The following TNRC6A variants were observed in gnomAD, a reference collection of about 807,000 sequenced individuals.
TNRC6A encodes the protein trinucleotide repeat containing adaptor 6A.
TNRC6A carries 44 observed loss-of-function variants against 221.2 expected under a neutral mutation model. The observed-to-expected ratio is 0.20, with a 90% CI of 0.16 to 0.26. TNRC6A has a LOEUF of 0.26. Among genes scored for constraint, TNRC6A ranks in the 10% least tolerant of loss-of-function variants. TNRC6A has a pLI of 1.00. For synonymous variants in TNRC6A, 847 were observed against 838.5 expected (o/e 1.01, Z -0.18); for missense variants, 2,199 against 2,404.4 (o/e 0.91, Z 1.79).
intron 2 of TNRC6A, among the ~76,000 whole-genome samples, chr16:24,691,943 A>G (rs2055763803): frequency 6.6e-6 from 1 of 152,164 alleles, no homozygotes; most frequent in Non-Finnish European, 1.5e-5. Context: ...CCTTTTTTCA[A>G]AGGAGGATAT....
upstream of TNRC6A, among the ~76,000 whole-genome samples, chr16:24,726,014 C>T (rs1016096940): frequency 3.5e-5 from 5 of 144,358 alleles, no homozygotes; most frequent in African/African-American, 1.0e-4. Flanking sequence ...AAAAAAAAAA[C>T]AAATCTGTCT....
At chr16:24,692,259 G>A (rs1439818260) in intron 2 of TNRC6A, among the ~76,000 whole-genome samples, 2 of 152,110 alleles carry the variant, frequency 1.3e-5, no homozygotes, top group South Asian at 2.1e-4. Flanking sequence ...GGGAACCTCT[G>A]GAGATTGTAA....
intron 4 of TNRC6A, 163 bp from the exon 5 acceptor site, chr16:24,776,770 C>A: frequency 2.0e-6 from 2 of 985,378 alleles, no homozygotes; most frequent in Non-Finnish European, 2.4e-6. Context: ...GCAGTGACAT[C>A]TCCTAACAAA....
intron 5 of TNRC6A, among the ~76,000 whole-genome samples, chr16:24,786,940 CAA>C (rs1184311087): frequency 6.6e-6 from 1 of 152,188 alleles, no homozygotes; most frequent in Non-Finnish European, 1.5e-5. Context: ...CTTGGCCTCC[CAA>C]AGTGTTGAGA....
intron 2 of TNRC6A, among the ~76,000 whole-genome samples, chr16:24,746,350 C>CA (rs761835074): frequency 6.6e-6 from 1 of 152,086 alleles, no homozygotes; most frequent in Non-Finnish European, 1.5e-5. Context: ...TGCTTGAGCC[C>CA]AGGAGTTTGA....
intron 2 of TNRC6A, among the ~76,000 whole-genome samples, chr16:24,660,842 C>T (rs557925294): frequency 6.2e-5 from 9 of 146,028 alleles, no homozygotes; most frequent in Non-Finnish European, 8.9e-5. Context: ...CCCGGGTTCA[C>T]GCCATTCTCC....
intron 2 of TNRC6A, among the ~76,000 whole-genome samples, chr16:24,717,931 C>T (rs1247657229): frequency 6.6e-6 from 1 of 151,852 alleles, no homozygotes; most frequent in Non-Finnish European, 1.5e-5. Flanking sequence ...CCACCACCCC[C>T]AGCTAATTTT....
chr16:24,632,249 T>C (rs1901385417), intron 1 of TNRC6A, among the ~76,000 whole-genome samples: 1 of 152,194 alleles, frequency 6.6e-6, no homozygotes, highest in South Asian at 2.1e-4. Flanking sequence ...ATCATCCCCC[T>C]GTGGTTTATT....
chr16:24,675,728 A>G (rs1277711359), intron 2 of TNRC6A, among the ~76,000 whole-genome samples: 1 of 135,618 alleles, frequency 7.4e-6, no homozygotes, highest in African/African-American at 2.7e-5. Flanking sequence ...ATATATATAT[A>G]TATATATATA....
intron 4 of TNRC6A, among the ~76,000 whole-genome samples, chr16:24,759,782 G>A (rs894348084): frequency 1.3e-5 from 2 of 152,164 alleles, no homozygotes; most frequent in Non-Finnish European, 2.9e-5. Flanking sequence ...TGACAGATGT[G>A]TGAGGGATAA....
At position 24,809,533 on chromosome 16, in the gene TNRC6A, G is replaced by C; in HGVS notation, c.4672+52G>C. ...AAAAAAAAAAACACACACACCTGCA[G>C]AATACTAGATTTAGGCCTTTATTTT... On this transcript the variant is annotated intron_variant, in intron 18 of 24. Transcript: ENST00000395799. 1.4e-6 allele frequency: 2 copies of C among 1,425,734 alleles called. 1 individual carries two copies. The highest frequency in any genetic ancestry group is 3.5e-5 in the South Asian group (2 of 57,824). 88.3% of individuals were successfully genotyped at this position (1,425,734 alleles called of 1,614,324 possible). A position where few individuals can be genotyped will look rare whatever the true frequency, so the allele number is the denominator to read the frequency against.
chr16:24,760,713 G>C (rs113677004), intron 4 of TNRC6A, among the ~76,000 whole-genome samples: 30 of 151,584 alleles, frequency 2.0e-4, no homozygotes, highest in African/African-American at 7.0e-4. Flanking sequence ...CTACTTGGTG[G>C]TGGTGGTGTT....
Position 24,753,923 on chromosome 16 carries a change from A to G in TNRC6A, c.141+3110A>G, listed in dbSNP as rs537322254. ...TTATCATGGTGACAGAACCAGGAAT[A>G]TAATTGAAATCTCTCTCCTCCAGCT... On this transcript the variant is annotated intron_variant, in intron 3 of 24. Transcript: ENST00000395799. Among the ~76,000 whole-genome samples, 102 of 152,364 alleles carry G rather than the reference A, an allele frequency of 6.7e-4. 1 individual carries two copies. The highest frequency in any genetic ancestry group is 2.4e-3 in the African/African-American group (99 of 41,592).
At chr16:24,666,795 G>A (rs1439073577) in intron 2 of TNRC6A, among the ~76,000 whole-genome samples, 1 of 150,462 alleles carries the variant, frequency 6.6e-6, no homozygotes, top group East Asian at 2.0e-4. Flanking sequence ...CTAACCGAAG[G>A]CACTCCAAAA....
chr16:24,644,407 G>A (rs913708092), intron 2 of TNRC6A, among the ~76,000 whole-genome samples: 85 of 151,542 alleles, frequency 5.6e-4, no homozygotes, highest in African/African-American at 1.8e-3. Context: ...TAATCCTCCC[G>A]CCCCGGCCAA....
At chr16:24,740,795 A>G (rs2056874966) in intron 2 of TNRC6A, among the ~76,000 whole-genome samples, 1 of 152,200 alleles carries the variant, frequency 6.6e-6, no homozygotes. Flanking sequence ...CCGTTAAATC[A>G]TAACTCCCTA....
intron 2 of TNRC6A, among the ~76,000 whole-genome samples, chr16:24,646,831 G>GA (rs1902317421): frequency 6.6e-6 from 1 of 152,160 alleles, no homozygotes; most frequent in African/African-American, 2.4e-5. Flanking sequence ...TCCAAAATTT[G>GA]AATCCATTTA....
At position 24,793,483 on chromosome 16, in the gene TNRC6A, G is replaced by A; in HGVS notation, c.3186G>A (p.Glu1062=). The A allele has an allele frequency of 6.7e-7, 1 of 1,488,416 alleles. No individual in the cohort carries two copies. The highest frequency in any genetic ancestry group is 9.0e-7 in the Non-Finnish European group (1 of 1,112,312). The allele number at this position is 1,488,416 out of a possible 1,614,324, so 92.2% of individuals were successfully genotyped here. The change falls in exon 7 of 25, where the codon GAG becomes GAA. Residue 1062 remains glutamate (E), a synonymous_variant. Coordinates refer to ENST00000395799, the MANE Select transcript of TNRC6A (RefSeq NM_014494.4). ...KEASSGSGWG[E]PWGEPSTPAT... is the part of the protein sequence containing the mutation. ...CCACACTTTCTAAAGGCTGGGGTGA[G>A]CCCTGGGGGGAGCCTTCTACTCCAG...
intron 2 of TNRC6A, among the ~76,000 whole-genome samples, chr16:24,659,924 T>C (rs2054993665): frequency 6.6e-6 from 1 of 152,226 alleles, no homozygotes; most frequent in South Asian, 2.1e-4. Context: ...GTCGGCCTTA[T>C]TAAATATACA....
Sources: allele counts gnomAD v4.1 joint callset (sites outside exome capture counted in the v4.1 genomes callset), GRCh38; gene constraint gnomAD v4.1.1; transcripts MANE v1.5; gene names NCBI Gene and HGNC (gene_info 2026-07-23, HGNC 2026-07-21).